The following DCC variants were observed in gnomAD, a reference collection of about 807,000 sequenced individuals.
The protein encoded by DCC is DCC netrin 1 receptor, also known as netrin receptor DCC.
Under a neutral mutation model 172.5 loss-of-function variants are expected in DCC, and 58 were observed. That is an observed-to-expected ratio of 0.34 (90% CI 0.27 to 0.42). The LOEUF (loss-of-function observed/expected upper bound fraction) is 0.42, where lower values mean the gene tolerates loss of function less well. Among genes scored for constraint, DCC ranks in the 10% least tolerant of loss-of-function variants. The pLI, the probability that DCC is intolerant of heterozygous loss-of-function variation, is 1.00. For synonymous variants in DCC, 709 were observed against 644.5 expected, an observed-to-expected ratio of 1.10 and a Z score of -1.52; for missense variants, 1,740 against 1,791.0, an observed-to-expected ratio of 0.97 and a Z score of 0.51.
intron 11 of DCC, among the ~76,000 whole-genome samples, chr18:53,212,974 C>A (rs8086812): frequency 1.3e-5 from 2 of 151,792 alleles, no homozygotes; most frequent in African/African-American, 4.8e-5. Flanking sequence ...GCCCAGCCTG[C>A]CTTTCAATTC....
intron 1 of DCC, among the ~76,000 whole-genome samples, chr18:52,602,721 A>G (rs2034043766): frequency 6.6e-6 from 1 of 152,014 alleles, no homozygotes; most frequent in African/African-American, 2.4e-5. Context: ...ACTCTAGCAA[A>G]CGAGATTTAA....
intron 7 of DCC, among the ~76,000 whole-genome samples, chr18:53,114,372 T>C (rs982955188): frequency 2.6e-5 from 4 of 151,668 alleles, no homozygotes; most frequent in African/African-American, 9.7e-5. Context: ...GCCTGCCAAG[T>C]GCATAATGCA....
chr18:52,706,305 G>T (rs1057034243), intron 1 of DCC, among the ~76,000 whole-genome samples: 1 of 152,222 alleles, frequency 6.6e-6, no homozygotes, highest in Admixed American at 6.5e-5. Context: ...GATAACAGCT[G>T]TGGGTTGACA....
At chr18:52,747,263 G>A (rs765583239) in intron 1 of DCC, among the ~76,000 whole-genome samples, 1 of 152,106 alleles carries the variant, frequency 6.6e-6, no homozygotes, top group Non-Finnish European at 1.5e-5. Context: ...GTTGTCTTAA[G>A]TAATTTTATG....
At chr18:53,108,255 C>G (rs1851453834) in intron 7 of DCC, among the ~76,000 whole-genome samples, 1 of 151,856 alleles carries the variant, frequency 6.6e-6, no homozygotes, top group East Asian at 2.0e-4. Flanking sequence ...AGAACATTGA[C>G]AGCTCCCAAA....
chr18:52,814,863 A>C (rs1478057132), intron 2 of DCC, among the ~76,000 whole-genome samples: 2 of 152,162 alleles, frequency 1.3e-5, no homozygotes, highest in African/African-American at 4.8e-5. Context: ...AAGATTAGTT[A>C]AGACGTTGGT....
At chr18:52,867,803 G>C (rs573219298) in intron 2 of DCC, among the ~76,000 whole-genome samples, 1 of 152,038 alleles carries the variant, frequency 6.6e-6, no homozygotes, top group Non-Finnish European at 1.5e-5. Flanking sequence ...CAAATCTACT[G>C]CAATGTGGAG....
chr18:53,435,115 A>T, intron 21 of DCC, 29 bp from the exon 22 acceptor site: 1 of 1,521,442 alleles, frequency 6.6e-7, no homozygotes, highest in Non-Finnish European at 9.1e-7. Flanking sequence ...ATTTGTACTG[A>T]CATTGTGACA....
At chr18:52,827,370 A>C (rs9952189) in intron 2 of DCC, among the ~76,000 whole-genome samples, 40,072 of 152,116 alleles carry the variant, frequency 0.26, 5,409 homozygotes, top group South Asian at 0.3. Flanking sequence ...AAAATGGCTG[A>C]GGTGATTTTG....
chr18:52,781,636 CAG>C (rs1228591038), intron 2 of DCC, among the ~76,000 whole-genome samples: 2 of 152,030 alleles, frequency 1.3e-5, no homozygotes, highest in Non-Finnish European at 2.9e-5. Context: ...TGATCAGTAA[CAG>C]AAGTTATTGA....
intron 1 of DCC, among the ~76,000 whole-genome samples, chr18:52,609,895 A>G (rs1169278985): frequency 1.3e-5 from 2 of 151,962 alleles, no homozygotes; most frequent in African/African-American, 4.8e-5. Context: ...ATCACTGTAT[A>G]AGGTAGGAGT....
intron 1 of DCC, among the ~76,000 whole-genome samples, chr18:52,553,477 G>A (rs915823979): frequency 2.6e-5 from 4 of 151,998 alleles, no homozygotes; most frequent in African/African-American, 7.2e-5. Context: ...GCTTGACCAG[G>A]CGACACAAAG....
chr18:53,060,689 G>A (rs566584028), intron 5 of DCC, among the ~76,000 whole-genome samples: 3 of 152,184 alleles, frequency 2.0e-5, no homozygotes, highest in African/African-American at 7.2e-5. Context: ...ATCAATGTAA[G>A]AGAAGGTTTT....
At chr18:52,604,570 G>C (rs1196470632) in intron 1 of DCC, among the ~76,000 whole-genome samples, 1 of 152,162 alleles carries the variant, frequency 6.6e-6, no homozygotes, top group Non-Finnish European at 1.5e-5. Flanking sequence ...ATCTGTGCCT[G>C]TCCCTTCTTT....
At chr18:53,351,495 GTATA>G (rs10585229) in intron 15 of DCC, among the ~76,000 whole-genome samples, 88 of 79,742 alleles carry the variant, frequency 1.1e-3, no homozygotes, top group Non-Finnish European at 7.2e-4. Context: ...TATATAGTGT[GTATA>G]TATATATATA....
intron 7 of DCC, among the ~76,000 whole-genome samples, chr18:53,071,756 G>A (rs1353566414): frequency 6.6e-6 from 1 of 152,174 alleles, no homozygotes; most frequent in Non-Finnish European, 1.5e-5. Context: ...TGTTGGCTAA[G>A]AAGTCTCCTT....
chr18:52,431,296 T>C (rs1987614024), intron 1 of DCC, among the ~76,000 whole-genome samples: 1 of 151,138 alleles, frequency 6.6e-6, no homozygotes. Flanking sequence ...TGAAAAAAAA[T>C]AAGAAAAGCA....
chr18:53,109,968 G>A (rs747056953), intron 7 of DCC, among the ~76,000 whole-genome samples: 2 of 151,402 alleles, frequency 1.3e-5, no homozygotes, highest in Non-Finnish European at 3.0e-5. Context: ...CTGGGAAATA[G>A]TGCATATTCA....
At chr18:52,707,234 G>C (rs1307148316) in intron 1 of DCC, among the ~76,000 whole-genome samples, 1 of 152,130 alleles carries the variant, frequency 6.6e-6, no homozygotes, top group East Asian at 1.9e-4. Flanking sequence ...TTATTTGCTT[G>C]ACTAGGGAGA....
Sources: allele counts gnomAD v4.1 joint callset (sites outside exome capture counted in the v4.1 genomes callset), GRCh38; gene constraint gnomAD v4.1.1; transcripts MANE v1.5; gene names NCBI Gene and HGNC (gene_info 2026-07-23, HGNC 2026-07-21).